AUTS2: variants seen among roughly 807,000 people sequenced by gnomAD.
AUTS2 encodes activator of transcription and developmental regulator AUTS2.
In AUTS2, 17 loss-of-function variants were observed where a neutral mutation model predicts 112.4. The observed-to-expected ratio is 0.15, with a 90% CI of 0.10 to 0.23. The LOEUF is 0.23. AUTS2 is among the 10% of genes least tolerant of loss of function. The pLI, the probability that AUTS2 is intolerant of heterozygous loss-of-function variation, is 1.00. For missense variants in AUTS2, 1,510 were observed against 1,701.6 expected (o/e 0.89, Z 1.98); for synonymous variants, 751 against 702.7 (o/e 1.07, Z -1.09).
At chr7:70,652,937 T>C (rs1806584352) in intron 5 of AUTS2, among the ~76,000 whole-genome samples, 2 of 152,042 alleles carry the variant, frequency 1.3e-5, no homozygotes, top group South Asian at 4.2e-4. Flanking sequence ...AATCCTCCCC[T>C]CCCCTTATTT....
intron 5 of AUTS2, among the ~76,000 whole-genome samples, chr7:70,639,229 T>C (rs1428725899): frequency 1.3e-5 from 2 of 151,910 alleles, no homozygotes; most frequent in East Asian, 3.9e-4. Flanking sequence ...CGAAAGAAAA[T>C]AAAAAATCTG....
intron 4 of AUTS2, among the ~76,000 whole-genome samples, chr7:70,409,349 G>A (rs1487706250): frequency 6.6e-6 from 1 of 152,156 alleles, no homozygotes; most frequent in Non-Finnish European, 1.5e-5. Flanking sequence ...ATATATGTGT[G>A]TGTGTGTATT....
chr7:70,000,202 TAC>T (rs1443327521), intron 2 of AUTS2, among the ~76,000 whole-genome samples: 1 of 152,186 alleles, frequency 6.6e-6, no homozygotes, highest in Non-Finnish European at 1.5e-5. Flanking sequence ...TTCAGTCCGA[TAC>T]AGTCAGGGAA....
chr7:69,836,901 G>A (rs1418565595), intron 1 of AUTS2, among the ~76,000 whole-genome samples: 2 of 152,130 alleles, frequency 1.3e-5, no homozygotes, highest in African/African-American at 4.8e-5. Flanking sequence ...CACTCTAGTG[G>A]GGGAAATAGA....
chr7:70,232,467 G>A (rs368066121), intron 4 of AUTS2, among the ~76,000 whole-genome samples: 3 of 151,820 alleles, frequency 2.0e-5, no homozygotes, highest in South Asian at 2.1e-4. Flanking sequence ...GCAGTGGCAC[G>A]ATCTTGGTGC....
At chr7:70,729,086 T>A in intron 6 of AUTS2, 1 of 450,600 alleles carries the variant, frequency 2.2e-6, no homozygotes, top group East Asian at 7.0e-5. Context: ...GCTCTGCTCT[T>A]GAGAACAGCC....
intron 2 of AUTS2, among the ~76,000 whole-genome samples, chr7:70,108,735 G>T (rs1352169760): frequency 6.7e-6 from 1 of 148,584 alleles, no homozygotes; most frequent in African/African-American, 2.5e-5. Flanking sequence ...GGCTGAGGTG[G>T]GTGGATCACT....
At chr7:69,696,946 C>T (rs1797587439) in intron 1 of AUTS2, among the ~76,000 whole-genome samples, 1 of 152,220 alleles carries the variant, frequency 6.6e-6, no homozygotes, top group African/African-American at 2.4e-5. Context: ...TATTTCCAAA[C>T]ATCTAAAAAA....
At chr7:70,761,083 G>T (rs1468218007) in intron 6 of AUTS2, among the ~76,000 whole-genome samples, 2 of 152,210 alleles carry the variant, frequency 1.3e-5, no homozygotes, top group Admixed American at 6.5e-5. Context: ...TGAAAATAAT[G>T]AATTGCTTTG....
intron 5 of AUTS2, among the ~76,000 whole-genome samples, chr7:70,649,731 T>C (rs146458332): frequency 0.076 from 11,525 of 152,070 alleles, 567 homozygotes; most frequent in South Asian, 0.14. Flanking sequence ...GCCTTCACCA[T>C]GTTGGCCAGG....
intron 4 of AUTS2, among the ~76,000 whole-genome samples, chr7:70,146,265 G>GA (rs964521097): frequency 2.0e-5 from 3 of 151,570 alleles, no homozygotes; most frequent in Non-Finnish European, 2.9e-5. Context: ...TTTTAGTGGG[G>GA]AAAAAAAATT....
Position 70,702,688 on chromosome 7 carries a change from C to A in AUTS2, c.742+4068C>A, listed in dbSNP as rs182704935. 4.4e-3 allele frequency among the ~76,000 whole-genome samples: 667 copies of A among 152,302 alleles called. 7 individuals are homozygous for A. The highest frequency in any genetic ancestry group is 0.024 in the Admixed American group (363 of 15,304). On this transcript the variant is annotated intron_variant, in intron 6 of 18. Transcript: ENST00000342771. ...TGTGAACAGCAACAGAGCAGCTGCT[C>A]ACCCTCGTAGGCAGGACCCCACCTC...
chr7:69,809,429 C>T (rs1790450644), intron 1 of AUTS2, among the ~76,000 whole-genome samples: 1 of 152,208 alleles, frequency 6.6e-6, no homozygotes, highest in Non-Finnish European at 1.5e-5. Context: ...TCTTAGCCAT[C>T]TGAATGCATG....
intron 2 of AUTS2, among the ~76,000 whole-genome samples, chr7:70,069,944 ATAATT>A (rs1802677565): frequency 1.3e-5 from 2 of 152,106 alleles, no homozygotes; most frequent in South Asian, 4.1e-4. Context: ...AGAATAAAAA[ATAATT>A]TAAATATAAT....
intron 5 of AUTS2, among the ~76,000 whole-genome samples, chr7:70,558,376 C>G (rs542470299): frequency 6.6e-6 from 1 of 152,168 alleles, no homozygotes; most frequent in Non-Finnish European, 1.5e-5. Flanking sequence ...CTGTGTACTT[C>G]CTTACTAGCA....
chr7:69,681,056 T>C (rs1263398151), intron 1 of AUTS2, among the ~76,000 whole-genome samples: 1 of 152,254 alleles, frequency 6.6e-6, no homozygotes, highest in Non-Finnish European at 1.5e-5. Context: ...TAGCACAATG[T>C]CTTCAAAGTT....
intron 1 of AUTS2, among the ~76,000 whole-genome samples, chr7:69,716,330 C>G (rs1036722878): frequency 1.3e-5 from 2 of 151,582 alleles, no homozygotes; most frequent in African/African-American, 4.9e-5. Context: ...CGCATTCCAC[C>G]CTACTAATAC....
intron 5 of AUTS2, among the ~76,000 whole-genome samples, chr7:70,496,798 C>CA (rs1798550128): frequency 1.5e-5 from 2 of 133,438 alleles, no homozygotes; most frequent in African/African-American, 5.7e-5. Flanking sequence ...CACACACACC[C>CA]CACACATGCA....
chr7:70,532,598 G>A (rs1177075029), intron 5 of AUTS2, among the ~76,000 whole-genome samples: 1 of 152,084 alleles, frequency 6.6e-6, no homozygotes, highest in African/African-American at 2.4e-5. Context: ...TCCTGCATTC[G>A]CGTATCCAGC....
Sources: gnomAD v4.1 joint callset for allele counts (sites outside exome capture counted in the v4.1 genomes callset) on GRCh38, gnomAD v4.1.1 for gene constraint, MANE v1.5 for transcripts, NCBI Gene and HGNC (gene_info 2026-07-23, HGNC 2026-07-21) for gene names.